The following VPS26B variants were observed in gnomAD, a reference collection of about 807,000 sequenced individuals.
The protein encoded by VPS26B is vacuolar protein sorting-associated protein 26B.
In VPS26B, 10 loss-of-function variants were observed where a neutral mutation model predicts 33.3. That is an observed-to-expected ratio of 0.30 (90% CI 0.19 to 0.51). VPS26B has a LOEUF of 0.51. Among genes scored for constraint, VPS26B ranks in the 20% least tolerant of loss-of-function variants. The probability of loss-of-function intolerance (pLI) is 0.98; values close to 1 mark genes in which losing one functional copy is unlikely to be tolerated. For synonymous variants in VPS26B, 190 were observed against 176.9 expected (o/e 1.07, Z -0.59); for missense variants, 317 against 452.7 (o/e 0.70, Z 2.72).
In VPS26B at chr11:134,240,794, CGTGTGTGT is replaced by C. The variant is rs55726358; in HGVS notation, c.545+666_545+673del. Among the ~76,000 whole-genome samples, 58 of 138,532 alleles carry C rather than the reference CGTGTGTGT, an allele frequency of 4.2e-4. No homozygotes were observed. The South Asian group carries it at 7.5e-3, about 18-fold the overall frequency. The allele number at this position is 138,532 out of a possible 152,430, so 90.9% of individuals were successfully genotyped here. On this transcript the variant is annotated intron_variant, in intron 3 of 5. Transcript: ENST00000281187. This position sits in a 1 kb window ranked among gnomAD's most constrained non-coding sequence, Gnocchi z 4.4. ...GTGTCCGTGTGTGTGTGTGTGTGTCCGTGTGTGTGTGTGTGTGTGTGTGTGTGTGTGTG... is the reference window on the plus strand; with the variant it reads ...GTGTCCGTGTGTGTGTGTGTGTGTCCGTGTGTGTGTGTGTGTGTGTGTGTG...
intron 1 of VPS26B, among the ~76,000 whole-genome samples, chr11:134,232,438 G>A (rs1463168816): frequency 1.3e-5 from 2 of 152,240 alleles, no homozygotes; most frequent in Non-Finnish European, 2.9e-5. Context: ...CAGCCCTGCT[G>A]TGACTGCACA....
intron 1 of VPS26B, 45 bp from the exon 2 acceptor site, chr11:134,234,852 T>G: frequency 6.3e-7 from 1 of 1,599,034 alleles, no homozygotes; most frequent in Non-Finnish European, 8.5e-7. Context: ...CCGGTGTAGC[T>G]CAGGGTCTGA....
rs1591882304 is a variant in VPS26B, at chr11:134,239,982, C to T, written c.381-9C>T. On this transcript the variant is annotated splice_polypyrimidine_tract_variant and intron_variant, in intron 2 of 5. Transcript: ENST00000281187. ...GAGTGTTTATTCATGACAGTTCCGT[C>T]TCCTACAGCTATTTCCTTCGTGCTA... 1 of 1,614,092 alleles carries T rather than the reference C, an allele frequency of 6.2e-7. No individual in the cohort carries two copies.
chr11:134,231,874 T>C (rs1938560487), intron 1 of VPS26B, among the ~76,000 whole-genome samples: 1 of 152,142 alleles, frequency 6.6e-6, no homozygotes, highest in African/African-American at 2.4e-5. Flanking sequence ...TTGGAGGTCT[T>C]TTTATGCTTT....
At chr11:134,226,533 A>G (rs959798516) in intron 1 of VPS26B, among the ~76,000 whole-genome samples, 1 of 152,346 alleles carries the variant, frequency 6.6e-6, no homozygotes, top group Non-Finnish European at 1.5e-5. Context: ...ACTCTTGTGT[A>G]TTATTAAAAT....
chr11:134,239,836 T>G (rs1938689972), intron 2 of VPS26B, 155 bp from the exon 3 acceptor site: 1 of 777,722 alleles, frequency 1.3e-6, no homozygotes, highest in Non-Finnish European at 2.1e-6. Context: ...CATCTTTCCC[T>G]GGAAGAGGGT....
At chr11:134,236,179 GAAA>G (rs530613613) in intron 2 of VPS26B, among the ~76,000 whole-genome samples, 9 of 151,356 alleles carry the variant, frequency 5.9e-5, no homozygotes, top group Admixed American at 4.6e-4. Flanking sequence ...TTTTTTAAAA[GAAA>G]AAAAACAAAT....
chr11:134,234,873 C>T (rs768554257), intron 1 of VPS26B, 24 bp from the exon 2 acceptor site: 52 of 1,608,398 alleles, frequency 3.2e-5, no homozygotes, highest in East Asian at 6.7e-5. Context: ...TAAAGGAGGG[C>T]GTCGCATCGC....
At chr11:134,228,991 G>T (rs1312002713) in intron 1 of VPS26B, among the ~76,000 whole-genome samples, 1 of 152,090 alleles carries the variant, frequency 6.6e-6, no homozygotes, top group African/African-American at 2.4e-5. Flanking sequence ...ACTTGCTGTG[G>T]CAATCTCATC....
In VPS26B at chr11:134,245,869, G is replaced by T; in HGVS notation, c.*279G>T. 1 of 432,550 alleles carries T rather than the reference G, an allele frequency of 2.3e-6. No homozygotes were observed. The allele number at this position is 432,550 out of a possible 1,614,324, so 26.8% of individuals were successfully genotyped here. A position where few individuals can be genotyped will look rare whatever the true frequency, so the allele number is the denominator to read the frequency against. ...GGAACATGAGCCCCCTTCCTCGGGGGGCTGCCTTGCGTCTTAGAGGAGGGA... is the reference window on the plus strand; with the variant it reads ...GGAACATGAGCCCCCTTCCTCGGGGTGCTGCCTTGCGTCTTAGAGGAGGGA... On this transcript the variant is annotated 3_prime_UTR_variant, in exon 6 of 6. Transcript: ENST00000281187. This position sits in a 1 kb window ranked among gnomAD's most constrained non-coding sequence, Gnocchi z 4.7.
intron 2 of VPS26B, 94 bp from the exon 3 acceptor site, chr11:134,239,897 A>T: frequency 7.1e-7 from 1 of 1,416,486 alleles, no homozygotes; most frequent in Non-Finnish European, 9.8e-7. Flanking sequence ...GAACCTTTGT[A>T]CAGGCTTCTC....
rs775461267 is a variant in VPS26B, at chr11:134,245,101, G to A, written c.864+21G>A. 1 of 1,613,204 alleles carries A rather than the reference G, an allele frequency of 6.2e-7. No homozygotes were observed. Among genetic ancestry groups the A allele is most frequent in the South Asian group, 1.1e-5 (1 of 91,030 alleles). On this transcript the variant is annotated intron_variant, in intron 5 of 5. Transcript: ENST00000281187. The surrounding 1 kb of genome is among the most constrained non-coding windows in gnomAD (Gnocchi z 4.7). The stretch of plus-strand genomic sequence containing the variant: ...AGCAGGTGAGGGCCAGGCTCCTCCA[G>A]GCCCCGATGCCCTTGGGACAGAACA...
At chr11:134,230,581 G>T (rs1414148474) in intron 1 of VPS26B, among the ~76,000 whole-genome samples, 2 of 152,192 alleles carry the variant, frequency 1.3e-5, no homozygotes, top group Non-Finnish European at 2.9e-5. Context: ...CTCACTGGGG[G>T]AACTGGGATA....
Position 134,240,731 on chromosome 11 carries a change from T to C in VPS26B, c.545+576T>C, listed in dbSNP as rs1342764224. ...TCTCACCTCCGCCCCTACAAGTAGC[T>C]AGGAGCACAGGCATGCACCGCCACA... On this transcript the variant is annotated intron_variant, in intron 3 of 5. Transcript: ENST00000281187. This position sits in a 1 kb window ranked among gnomAD's most constrained non-coding sequence, Gnocchi z 4.4. 2.6e-5 allele frequency among the ~76,000 whole-genome samples: 4 copies of C among 151,700 alleles called. No individual in the cohort carries two copies.
At chr11:134,233,552 T>C (rs767982727) in intron 1 of VPS26B, among the ~76,000 whole-genome samples, 1 of 152,170 alleles carries the variant, frequency 6.6e-6, no homozygotes, top group South Asian at 2.1e-4. Flanking sequence ...TGAAACCCCA[T>C]CTCTACTAAA....
intron 1 of VPS26B, among the ~76,000 whole-genome samples, chr11:134,233,843 C>A (rs372692388): frequency 1.3e-5 from 2 of 152,234 alleles, no homozygotes; most frequent in African/African-American, 4.8e-5. Flanking sequence ...CGGGGGAGAC[C>A]AGGTATGTAG....
Position 134,245,678 on chromosome 11 carries a change from G to A in VPS26B, c.*88G>A. On this transcript the variant is annotated 3_prime_UTR_variant, in exon 6 of 6. Coordinates refer to ENST00000281187, the MANE Select transcript of VPS26B (RefSeq NM_052875.5). The surrounding 1 kb of genome is among the most constrained non-coding windows in gnomAD (Gnocchi z 4.7). The stretch of plus-strand genomic sequence containing the variant: ...CTGGGGGCGGGGGCGGACCTTGTGA[G>A]GCTCAGTTGACCCGTTACTTGCAAC... 1.4e-6 allele frequency: 2 copies of A among 1,448,784 alleles called. No individual in the cohort carries two copies. Among genetic ancestry groups the A allele is most frequent in the South Asian group, 1.3e-5 (1 of 77,194 alleles). The allele number at this position is 1,448,784 out of a possible 1,614,324, so 89.7% of individuals were successfully genotyped here.
In VPS26B at chr11:134,225,359, C is replaced by G. The variant is rs1166634898; in HGVS notation, c.223+14C>G. ...TCGGGCAGATCGGTGAGTCGACCCC[C>G]GGGACCCCCTCCCCCAGCGCCGACA... On this transcript the variant is annotated intron_variant, in intron 1 of 5. Transcript: ENST00000281187. The G allele has an allele frequency of 6.2e-7, 1 of 1,612,598 alleles. No individual in the cohort carries two copies. Among genetic ancestry groups the G allele is most frequent in the East Asian group, 2.2e-5 (1 of 44,820 alleles).
At chr11:134,243,836 A>C (rs1938768074) in intron 4 of VPS26B, 1 of 152,618 alleles carries the variant, frequency 6.6e-6, no homozygotes, top group South Asian at 2.1e-4. Flanking sequence ...AGCTAACATT[A>C]CATCTGGGTT....
Sources: gnomAD v4.1 joint callset for allele counts (sites outside exome capture counted in the v4.1 genomes callset) on GRCh38, gnomAD v4.1.1 for gene constraint, Gnocchi (gnomAD v3.1) non-coding constraint, MANE v1.5 for transcripts, NCBI Gene and HGNC (gene_info 2026-07-23, HGNC 2026-07-21) for gene names.